PGAP6: variants seen among roughly 807,000 people sequenced by gnomAD.
PGAP6 encodes the protein post-GPI attachment to proteins factor 6.
PGAP6 carries 62 observed loss-of-function variants against 68.4 expected under a neutral mutation model. The observed-to-expected ratio is 0.91, with a 90% CI of 0.74 to 1.12. PGAP6 has a LOEUF of 1.12. Among genes scored for constraint, PGAP6 ranks in the 50% most tolerant of loss-of-function variants. The pLI is 0.00. For synonymous variants in PGAP6, 575 were observed against 474.0 expected (o/e 1.21, Z -2.77); for missense variants, 1,188 against 1,068.5 (o/e 1.11, Z -1.56).
chr16:375,038 G>C (rs2054369128), intron 8 of PGAP6, 95 bp downstream of exon 8: 1 of 1,577,582 alleles, frequency 6.3e-7, no homozygotes, highest in East Asian at 2.2e-5. Flanking sequence ...CCTCTAGCTG[G>C]GTCACTCCGA....
intron 9 of PGAP6, 148 bp downstream of exon 9, chr16:374,608 G>T (rs1443771510): frequency 1.7e-6 from 2 of 1,199,082 alleles, no homozygotes; most frequent in Admixed American, 5.5e-5. Flanking sequence ...GTGGGGAATG[G>T]GGGAGTGGGG....
Position 377,491 on chromosome 16 carries a change from G to T in PGAP6, c.394C>A (p.Pro132Thr). 6.2e-7 allele frequency: 1 copy of T among 1,605,836 alleles called. No individual in the cohort carries two copies. Among genetic ancestry groups the T allele is most frequent in the African/African-American group, 1.3e-5 (1 of 74,956 alleles). The change falls in exon 3 of 13, where the codon CCG becomes ACG. Residue 132 changes from proline to threonine, a missense_variant. Physicochemically the swap from Pro to Thr is conservative, Grantham distance 38. Transcript: ENST00000431232. ...TTGCTTCTCGGTGTGGTGCTCAGCGGCACCCCGACCTGGAAGGAGGGCTGT... is the reference window on the plus strand; with the variant it reads ...TTGCTTCTCGGTGTGGTGCTCAGCGTCACCCCGACCTGGAAGGAGGGCTGT... ...AVQPSFQVGV[P>T]LSTTPRSNAS...
At chr16:373,692 A>C (rs1237983006) in intron 11 of PGAP6, among the ~76,000 whole-genome samples, 5 of 152,194 alleles carry the variant, frequency 3.3e-5, no homozygotes, top group Non-Finnish European at 7.4e-5. Flanking sequence ...GGCATGTACC[A>C]CTACGCTCGG....
chr16:380,558 G>C (rs2054428249), intron 1 of PGAP6, among the ~76,000 whole-genome samples: 1 of 152,082 alleles, frequency 6.6e-6, no homozygotes, highest in Admixed American at 6.5e-5. Context: ...TAGAGAAGGG[G>C]GTTTCTCCAT....
chr16:382,243 C>G (rs1597167889), upstream of PGAP6: 1 of 393,578 alleles, frequency 2.5e-6, no homozygotes, highest in East Asian at 3.6e-5. Flanking sequence ...AGGAAATTCT[C>G]CCCGAGGCGT....
chr16:372,613 A>T lies in PGAP6; in HGVS notation c.2017T>A (p.Trp673Arg). Residue 673 changes from tryptophan (W) to arginine (R), a missense_variant and splice_region_variant, in exon 12 of 13, where the codon TGG (tryptophan) becomes AGG (arginine). Transcript: ENST00000431232. ...TGCCAGCCAGCCCGGCTCCTTACCC[A>T]CATGGAGGCCATGATCACGAAGGCA... ...LFAFVIMASM[W>R]AYRCGHRRQC... The T allele has an allele frequency of 6.2e-7, 1 of 1,610,314 alleles. No individual in the cohort carries two copies. The highest frequency in any genetic ancestry group is 8.5e-7 in the Non-Finnish European group (1 of 1,178,482).
In PGAP6 at chr16:371,401, GCGGGGCGGGAGCCTGCATCC is replaced by G. The variant is rs2141754315; in HGVS notation, c.*566_*585del. 1 of 153,500 alleles carries G rather than the reference GCGGGGCGGGAGCCTGCATCC, an allele frequency of 6.5e-6. No individual in the cohort carries two copies. The highest frequency in any genetic ancestry group is 1.5e-5 in the Non-Finnish European group (1 of 68,964). 9.5% of individuals were successfully genotyped at this position (153,500 alleles called of 1,614,324 possible). On this transcript the variant is annotated 3_prime_UTR_variant, in exon 13 of 13. Transcript: ENST00000431232. Reference sequence around the variant, plus strand: ...CTCCAGAGCCAGGAAAAAGGGAGGGGCGGGGCGGGAGCCTGCATCCCCAGTGCCCATCAGCTCTGGGGGAA... The same window carrying G: ...CTCCAGAGCCAGGAAAAAGGGAGGGGCCAGTGCCCATCAGCTCTGGGGGAA...
upstream of PGAP6, among the ~76,000 whole-genome samples, chr16:383,967 T>C (rs898561364): frequency 6.6e-6 from 1 of 152,152 alleles, no homozygotes; most frequent in African/African-American, 2.4e-5. Context: ...AAAGAGACCC[T>C]TTGTTTCCCG....
At chr16:382,270 C>T, upstream of PGAP6, 1 of 393,008 alleles carries the variant, frequency 2.5e-6, no homozygotes, top group Admixed American at 4.4e-5. Flanking sequence ...CGCGGGGCTT[C>T]CCCGCCGGTT....
At chr16:376,868 C>A (rs1302515950) in intron 4 of PGAP6, 56 bp from the exon 5 acceptor site, 2 of 1,586,326 alleles carry the variant, frequency 1.3e-6, no homozygotes, top group East Asian at 2.3e-5. Context: ...CCCAGGGACG[C>A]AGCGTGCCCA....
chr16:372,289 GA>G lies in PGAP6; in HGVS notation c.2020-7del. On this transcript the variant is annotated splice_region_variant and splice_polypyrimidine_tract_variant and intron_variant, in intron 12 of 12. Transcript: ENST00000431232. ...CGGTGCCCGCAGCGGTAAGCCTGGA[GA>G]AAACAGCCACGCAGGTATCAGTGCA... The G allele has an allele frequency of 6.2e-7, 1 of 1,605,436 alleles. No homozygotes were observed. The highest frequency in any genetic ancestry group is 8.5e-7 in the Non-Finnish European group (1 of 1,179,028).
At chr16:385,553 C>G (rs1312930427), upstream of PGAP6, among the ~76,000 whole-genome samples, 1 of 141,800 alleles carries the variant, frequency 7.1e-6, no homozygotes, top group Non-Finnish European at 1.5e-5. Context: ...CCTCATGATC[C>G]GCCCGCCTCG....
intron 1 of PGAP6, among the ~76,000 whole-genome samples, chr16:379,425 C>T (rs995555696): frequency 2.6e-5 from 4 of 152,262 alleles, no homozygotes; most frequent in South Asian, 2.1e-4. Context: ...CCACGACGCA[C>T]TCCAGGCTTT....
At position 372,071 on chromosome 16, in the gene PGAP6, G is replaced by A. The variant is rs766406619; in HGVS notation, c.2232C>T (p.Ala744=). 1.5e-5 allele frequency: 24 copies of A among 1,612,154 alleles called. No homozygotes were observed. Among genetic ancestry groups the A allele is most frequent in the Middle Eastern group, 1.6e-4 (1 of 6,082 alleles). The change falls in exon 13 of 13, where the codon GCC becomes GCT. Residue 744 remains alanine (A), a synonymous_variant. Transcript: ENST00000431232. ...ALLLPPPDQP[A]EPWACSQKFP... is the part of the protein sequence containing the mutation. ...ATTTCTGCGAGCAGGCCCAGGGCTCGGCGGGCTGGTCAGGTGGCGGCAGCA... is the reference window on the plus strand; with the variant it reads ...ATTTCTGCGAGCAGGCCCAGGGCTCAGCGGGCTGGTCAGGTGGCGGCAGCA...
intron 4 of PGAP6, 69 bp from the exon 5 acceptor site, chr16:376,881 C>T (rs552036633): frequency 5.1e-6 from 8 of 1,576,946 alleles, no homozygotes; most frequent in Non-Finnish European, 6.0e-6. Context: ...CGTGCCCAGG[C>T]TCTGCTGTTC....
In PGAP6 at chr16:381,911, TGCC is replaced by T. The variant is rs2054443247; in HGVS notation, c.-93_-91del. ...GGGCAGCCTCTGCCGCCTCCGCCTC[TGCC>T]GCCTCCGCCTCTGCCCCCGGCGCCC... On this transcript the variant is annotated 5_prime_UTR_variant, in exon 1 of 13. Coordinates refer to ENST00000431232, the MANE Select transcript of PGAP6 (RefSeq NM_021259.3). 2.1e-6 allele frequency: 2 copies of T among 965,422 alleles called. No homozygotes were observed. Among genetic ancestry groups the T allele is most frequent in the South Asian group, 9.2e-5 (2 of 21,678 alleles). The allele number at this position is 965,422 out of a possible 1,614,324, so 59.8% of individuals were successfully genotyped here.
At chr16:382,591 G>A (rs1461664140), upstream of PGAP6, 4 of 259,136 alleles carry the variant, frequency 1.5e-5, no homozygotes, top group Non-Finnish European at 2.9e-5. Context: ...AACTCCCGGC[G>A]CTTTGCACCT....
At chr16:381,440 G>A (rs1329084560) in intron 1 of PGAP6, among the ~76,000 whole-genome samples, 2 of 151,960 alleles carry the variant, frequency 1.3e-5, no homozygotes, top group East Asian at 1.9e-4. Flanking sequence ...GGGAGGAGGA[G>A]GGAGGGGAGG....
Position 375,415 on chromosome 16 carries a change from G to A in PGAP6, c.1245C>T (p.Thr415=), listed in dbSNP as rs749451132. The A allele has an allele frequency of 1.6e-5, 26 of 1,612,458 alleles. No individual in the cohort carries two copies. Among genetic ancestry groups the A allele is most frequent in the Admixed American group, 8.3e-5 (5 of 60,002 alleles). ...RANKTEMRNE[T]VVVACVNAAS... The stretch of plus-strand genomic sequence containing the variant: ...CAGCATTCACGCAGGCCACTACGAC[G>A]GTCTCGTTCCGCATCTCTGTCTGGA... Residue 415 remains threonine, a synonymous_variant, in exon 7 of 13, where the codon ACC becomes ACT. Coordinates refer to ENST00000431232, the MANE Select transcript of PGAP6 (RefSeq NM_021259.3).
Sources: allele counts gnomAD v4.1 joint callset (sites outside exome capture counted in the v4.1 genomes callset), GRCh38; gene constraint gnomAD v4.1.1; transcripts MANE v1.5; gene names NCBI Gene and HGNC (gene_info 2026-07-23, HGNC 2026-07-21).